Variants in DDHD1 observed in about 807,000 individuals in gnomAD.
DDHD1 encodes DDHD domain containing 1.
In DDHD1, 49 loss-of-function variants were observed where a neutral mutation model predicts 96.4. The observed-to-expected ratio is 0.51, with a 90% CI of 0.40 to 0.64. DDHD1 has a LOEUF of 0.64. Among genes scored for constraint, DDHD1 ranks in the 30% least tolerant of loss-of-function variants. The pLI is 0.00. For synonymous variants in DDHD1, 442 were observed against 446.5 expected (o/e 0.99, Z 0.13); for missense variants, 1,106 against 1,161.2 (o/e 0.95, Z 0.69).
intron 1 of DDHD1, among the ~76,000 whole-genome samples, chr14:53,136,080 C>A (rs1472844085): frequency 6.6e-6 from 1 of 152,140 alleles, no homozygotes; most frequent in Non-Finnish European, 1.5e-5. Context: ...ATTTCCCCCA[C>A]CCTTAAGAAG....
At chr14:53,106,020 CT>C (rs1156644421) in intron 1 of DDHD1, among the ~76,000 whole-genome samples, 1 of 151,690 alleles carries the variant, frequency 6.6e-6, no homozygotes, top group Non-Finnish European at 1.5e-5. Context: ...CCCAAATCGA[CT>C]TTTTGCCTAC....
chr14:53,040,142 T>C lies in DDHD1; in HGVS notation c.*6626A>G, dbSNP rs1471546188. The C allele has an allele frequency of 2.0e-5, 3 of 152,240 alleles. No homozygotes were observed. The highest frequency in any genetic ancestry group is 7.2e-5 in the African/African-American group (3 of 41,458). 9.4% of individuals were successfully genotyped at this position (152,240 alleles called of 1,614,324 possible). Reference sequence around the variant, plus strand: ...TGGAAAGGTAGTAGGAGTAGGTTTCTATCTGGCACGGGTTCTTGGAGTTAG... The same window carrying C: ...TGGAAAGGTAGTAGGAGTAGGTTTCCATCTGGCACGGGTTCTTGGAGTTAG... On this transcript the variant is annotated 3_prime_UTR_variant, in exon 13 of 13. Coordinates refer to ENST00000673822, the MANE Select transcript of DDHD1 (RefSeq NM_001160148.2).
At chr14:53,079,906 G>T (rs1885309766) in intron 4 of DDHD1, among the ~76,000 whole-genome samples, 1 of 152,048 alleles carries the variant, frequency 6.6e-6, no homozygotes, top group South Asian at 2.1e-4. Flanking sequence ...TAGGTTTTCT[G>T]GGTCAAAGGA....
intron 2 of DDHD1, among the ~76,000 whole-genome samples, chr14:53,096,972 A>G (rs1361754154): frequency 6.6e-6 from 1 of 152,008 alleles, no homozygotes; most frequent in African/African-American, 2.4e-5. Flanking sequence ...AAATCAGTAG[A>G]TAACCTTAAA....
intron 4 of DDHD1, among the ~76,000 whole-genome samples, chr14:53,083,344 T>C (rs573381504): frequency 6.6e-5 from 10 of 152,332 alleles, no homozygotes; most frequent in African/African-American, 2.4e-4. Context: ...GTATTAGATA[T>C]GCCAAGTTCT....
Position 53,043,481 on chromosome 14 carries a change from C to T in DDHD1, c.*3287G>A, listed in dbSNP as rs181243467. The T allele has an allele frequency of 5.6e-4, 85 of 151,694 alleles. 1 individual carries two copies. Among genetic ancestry groups the T allele is most frequent in the Non-Finnish European group, 1.1e-3 (73 of 68,078 alleles). The allele number at this position is 151,694 out of a possible 1,614,324, so 9.4% of individuals were successfully genotyped here. A position where few individuals can be genotyped will look rare whatever the true frequency, so the allele number is the denominator to read the frequency against. ...CAGCTCTGTCACCCAAGGTGGAGTG[C>T]AGTGGTGCAATCTTGGCTCACTGAA... On this transcript the variant is annotated 3_prime_UTR_variant, in exon 13 of 13. Transcript: ENST00000673822.
At chr14:53,050,530 G>A (rs542721504) in intron 12 of DDHD1, among the ~76,000 whole-genome samples, 3 of 151,926 alleles carry the variant, frequency 2.0e-5, no homozygotes, top group Non-Finnish European at 2.9e-5. Flanking sequence ...TATGTTTTGC[G>A]GTTCGTCACA....
At chr14:53,058,152 G>T (rs2139848132) in intron 9 of DDHD1, among the ~76,000 whole-genome samples, 1 of 149,526 alleles carries the variant, frequency 6.7e-6, no homozygotes, top group Admixed American at 6.7e-5. Flanking sequence ...CTTTTTGTTT[G>T]AGATGGAGTC....
Position 53,108,159 on chromosome 14 carries a change from T to C in DDHD1, c.839-4303A>G, listed in dbSNP as rs552966285. On this transcript the variant is annotated intron_variant, in intron 1 of 12. Coordinates refer to ENST00000673822, the MANE Select transcript of DDHD1 (RefSeq NM_001160148.2). ...CTGCTGTTTGCCACCATCGCAGACC[T>C]GCCGCTGACTTCCATCCCTCCGGAT... is the stretch of plus-strand genomic sequence containing the variant. Among the ~76,000 whole-genome samples the C allele has an allele frequency of 2.0e-5, 3 of 152,324 alleles. No homozygotes were observed. The East Asian group carries it at 5.8e-4, about 29-fold the overall frequency.
At chr14:53,086,363 G>C (rs973457732) in intron 4 of DDHD1, among the ~76,000 whole-genome samples, 1 of 152,086 alleles carries the variant, frequency 6.6e-6, no homozygotes, top group African/African-American at 2.4e-5. Flanking sequence ...GATTCACCAA[G>C]GTTGAAATGA....
chr14:53,081,115 T>G (rs187463356), intron 4 of DDHD1, among the ~76,000 whole-genome samples: 2 of 152,194 alleles, frequency 1.3e-5, no homozygotes, highest in African/African-American at 4.8e-5. Context: ...AGATTCTACT[T>G]TGCCAAAATA....
At position 53,091,797 on chromosome 14, in the gene DDHD1, T is replaced by C. The variant is rs764461965; in HGVS notation, c.1277A>G (p.Lys426Arg). The change falls in exon 4 of 13, where the codon AAA (lysine) becomes AGA (arginine). Residue 426 changes from lysine (K) to arginine (R), a missense_variant. Physicochemically the swap from Lys to Arg is conservative, Grantham distance 26. This residue lies in a region of DDHD1 where 650 missense variants were observed against 758.8 expected (regional missense o/e 0.86). Coordinates refer to ENST00000673822, the MANE Select transcript of DDHD1 (RefSeq NM_001160148.2). ...TCAAAGAACTTACATAGCTGTATTT[T>C]TGATAATTCTTCCTTGGTCCATTTT... ...GQKMDQGRII[K>R]NTAMMREAAR... is the part of the protein sequence containing the mutation. 26 of 1,612,892 alleles carry C rather than the reference T, an allele frequency of 1.6e-5. No individual in the cohort carries two copies. Among genetic ancestry groups the C allele is most frequent in the Non-Finnish European group, 2.0e-5 (24 of 1,179,588 alleles).
Position 53,153,220 on chromosome 14 carries a change from G to A in DDHD1, c.-122C>T. On this transcript the variant is annotated 5_prime_UTR_variant, in exon 1 of 13. Coordinates refer to ENST00000673822, the MANE Select transcript of DDHD1 (RefSeq NM_001160148.2). ...TTTCTAATCTTTCAAATCCCGACCC[G>A]AGCTGCGGCGGCAGCGGCGACCGCT... is the stretch of plus-strand genomic sequence containing the variant. The A allele has an allele frequency of 5.5e-6, 5 of 911,322 alleles. No individual in the cohort carries two copies. The highest frequency in any genetic ancestry group is 3.7e-4 in the Middle Eastern group (1 of 2,700). The allele number at this position is 911,322 out of a possible 1,614,324, so 56.5% of individuals were successfully genotyped here. A position where few individuals can be genotyped will look rare whatever the true frequency, so the allele number is the denominator to read the frequency against.
intron 1 of DDHD1, among the ~76,000 whole-genome samples, chr14:53,126,325 T>C (rs1889434635): frequency 6.6e-6 from 1 of 152,208 alleles, no homozygotes; most frequent in Non-Finnish European, 1.5e-5. Context: ...AATTCAAACA[T>C]TTTCATTATA....
chr14:53,152,137 C>A (rs1339877740), intron 1 of DDHD1, 124 bp downstream of exon 1: 3 of 990,042 alleles, frequency 3.0e-6, no homozygotes, highest in Non-Finnish European at 4.2e-6. Context: ...CTCCATCCTG[C>A]CCCAGCCAAA....
At chr14:53,049,719 C>G (rs1595081127) in intron 12 of DDHD1, among the ~76,000 whole-genome samples, 1 of 149,352 alleles carries the variant, frequency 6.7e-6, no homozygotes, top group Non-Finnish European at 1.5e-5. Context: ...CTGGAATGCC[C>G]AAGTGACAGA....
At chr14:53,049,974 G>C (rs956711715) in intron 12 of DDHD1, among the ~76,000 whole-genome samples, 5 of 152,168 alleles carry the variant, frequency 3.3e-5, no homozygotes, top group Admixed American at 3.3e-4. Context: ...ATAGTGTGAA[G>C]GTCAAGTGTC....
At chr14:53,079,812 G>C (rs570672179) in intron 4 of DDHD1, among the ~76,000 whole-genome samples, 2 of 152,194 alleles carry the variant, frequency 1.3e-5, no homozygotes, top group African/African-American at 4.8e-5. Context: ...TATTTGAGTA[G>C]TTTCCTACGT....
chr14:53,051,830 G>T lies in DDHD1; in HGVS notation c.2521+14C>A, dbSNP rs1422408496. The stretch of plus-strand genomic sequence containing the variant: ...TTATAGTATTCTGAATGCTATTCCT[G>T]ACATATACCATACCGAGGGCATTAT... On this transcript the variant is annotated intron_variant, in intron 12 of 12. Coordinates refer to ENST00000673822, the MANE Select transcript of DDHD1 (RefSeq NM_001160148.2). The T allele has an allele frequency of 1.3e-6, 2 of 1,564,070 alleles. No individual in the cohort carries two copies. Among genetic ancestry groups the T allele is most frequent in the Admixed American group, 1.8e-5 (1 of 54,626 alleles).
Sources: allele counts gnomAD v4.1 joint callset (sites outside exome capture counted in the v4.1 genomes callset), GRCh38; gene constraint gnomAD v4.1.1; regional missense constraint gnomAD v4.1.1; transcripts MANE v1.5; gene names NCBI Gene and HGNC (gene_info 2026-07-23, HGNC 2026-07-21).